The following PTCHD4 variants were observed in gnomAD, a reference collection of about 807,000 sequenced individuals.
The protein encoded by PTCHD4 is patched domain containing 4.
Under a neutral mutation model 58.1 loss-of-function variants are expected in PTCHD4, and 33 were observed. The observed-to-expected ratio is 0.57, with a 90% CI of 0.43 to 0.76. The LOEUF is 0.76. PTCHD4 is among the 30% of genes least tolerant of loss of function. The pLI is 0.00. For missense variants in PTCHD4, 1,058 were observed against 1,027.1 expected, an observed-to-expected ratio of 1.03 and a Z score of -0.41; for synonymous variants, 478 against 409.6, an observed-to-expected ratio of 1.17 and a Z score of -2.02.
intron 4 of PTCHD4, among the ~76,000 whole-genome samples, chr6:47,999,127 C>T (rs1231292816): frequency 3.3e-5 from 5 of 152,122 alleles, no homozygotes; most frequent in East Asian, 1.9e-4. Flanking sequence ...AAATGATTCA[C>T]TCATTAAAGA....
chr6:47,987,209 C>T (rs1277973638), intron 4 of PTCHD4, among the ~76,000 whole-genome samples: 2 of 130,680 alleles, frequency 1.5e-5, no homozygotes, highest in South Asian at 2.3e-4. Flanking sequence ...TTGAAAAAGA[C>T]TCAAATGGTG....
At chr6:47,991,904 A>T (rs1197352286) in intron 4 of PTCHD4, among the ~76,000 whole-genome samples, 1 of 152,082 alleles carries the variant, frequency 6.6e-6, no homozygotes, top group Admixed American at 6.5e-5. Flanking sequence ...AAAAAGAACA[A>T]TAATAACATA....
chr6:48,078,193 G>C (rs1437271345), intron 1 of PTCHD4, among the ~76,000 whole-genome samples: 1 of 152,150 alleles, frequency 6.6e-6, no homozygotes, highest in Non-Finnish European at 1.5e-5. Flanking sequence ...TCCTTTGCTA[G>C]GTTTGCCACA....
In PTCHD4 at chr6:47,870,107, T is replaced by C. The variant is rs371890971; in HGVS notation, c.*8196A>G. Among the ~76,000 whole-genome samples, 259 of 151,832 alleles carry C rather than the reference T, an allele frequency of 1.7e-3. 1 individual carries two copies. The highest frequency in any genetic ancestry group is 5.7e-3 in the African/African-American group (236 of 41,518). ...AAATTATTTCTATTATTATGACTAA[T>C]GGAACTAGATTTCTTTTGTTGTTAA... On this transcript the variant is annotated 3_prime_UTR_variant, in exon 5 of 5. Transcript: ENST00000339488.
At chr6:48,083,130 A>G (rs1039197610) in intron 1 of PTCHD4, among the ~76,000 whole-genome samples, 5 of 150,162 alleles carry the variant, frequency 3.3e-5, no homozygotes, top group Admixed American at 2.0e-4. Flanking sequence ...AAGTCTGCAT[A>G]TATATATATT....
intron 4 of PTCHD4, chr6:47,901,158 C>G (rs1352024637): frequency 7.4e-6 from 1 of 134,636 alleles, no homozygotes; most frequent in Non-Finnish European, 1.6e-5. Flanking sequence ...AAGACTCCGT[C>G]TCAAAAAAAA....
At chr6:48,070,725 G>T (rs1764961903) in intron 1 of PTCHD4, among the ~76,000 whole-genome samples, 1 of 152,040 alleles carries the variant, frequency 6.6e-6, no homozygotes, top group South Asian at 2.1e-4. Context: ...CAATCTCTTT[G>T]CCACATTCAT....
intron 4 of PTCHD4, among the ~76,000 whole-genome samples, chr6:47,957,884 G>A (rs556121525): frequency 3.9e-5 from 6 of 152,144 alleles, no homozygotes; most frequent in African/African-American, 7.2e-5. Flanking sequence ...GATTACAGGC[G>A]TGAGCCACCG....
chr6:47,910,965 G>A (rs9395331), intron 4 of PTCHD4, among the ~76,000 whole-genome samples: 84,292 of 151,948 alleles, frequency 0.55, 25,064 homozygotes, highest in East Asian at 0.78. Flanking sequence ...TCTTCTTAGT[G>A]AAGCTCATGA....
chr6:47,926,688 C>T (rs1376521966), intron 4 of PTCHD4, among the ~76,000 whole-genome samples: 1 of 152,098 alleles, frequency 6.6e-6, no homozygotes, highest in East Asian at 1.9e-4. Context: ...AACAAATAGC[C>T]TGTAGTAGAA....
At position 47,878,504 on chromosome 6, in the gene PTCHD4, C is replaced by T. The variant is rs1384202860; in HGVS notation, c.2331G>A (p.Leu777=). ...GCAAGCATTTGAACAGTGTGAAGGT[C>T]AGGTTCGAAGGCACAAATAGAAGGG... The part of the protein sequence containing the change: ...LVPLLFVPSN[L]TFTLFKCLLL... Residue 777 remains leucine (L), a synonymous_variant, in exon 5 of 5, where the codon CTG becomes CTA. Coordinates refer to ENST00000339488, the MANE Select transcript of PTCHD4 (RefSeq NM_001384253.1). 1 of 1,613,354 alleles carries T rather than the reference C, an allele frequency of 6.2e-7. No homozygotes were observed. The highest frequency in any genetic ancestry group is 8.5e-7 in the Non-Finnish European group (1 of 1,179,676).
chr6:47,981,534 T>C (rs1459862269), intron 4 of PTCHD4, among the ~76,000 whole-genome samples: 1 of 152,168 alleles, frequency 6.6e-6, no homozygotes, highest in Non-Finnish European at 1.5e-5. Flanking sequence ...TTTCTATTTT[T>C]AGGGAAAATT....
In PTCHD4 at chr6:48,068,750, C is replaced by A; in HGVS notation, c.6-109G>T. On this transcript the variant is annotated intron_variant, in intron 2 of 4. Transcript: ENST00000339488. This position sits in a 1 kb window ranked among gnomAD's most constrained non-coding sequence, Gnocchi z 4.2. ...CACCGCCGCCGCCTCCCCACCCACT[C>A]CGCGCTCACCCCACAACCACTCCGC... is the stretch of plus-strand genomic sequence containing the variant. The A allele has an allele frequency of 9.6e-7, 1 of 1,041,768 alleles. No individual in the cohort carries two copies. The allele number at this position is 1,041,768 out of a possible 1,614,324, so 64.5% of individuals were successfully genotyped here. A position where few individuals can be genotyped will look rare whatever the true frequency, so the allele number is the denominator to read the frequency against.
At chr6:47,913,133 G>T (rs1256935826) in intron 4 of PTCHD4, among the ~76,000 whole-genome samples, 1 of 152,010 alleles carries the variant, frequency 6.6e-6, no homozygotes, top group Non-Finnish European at 1.5e-5. Flanking sequence ...CCCCATATTG[G>T]TTGTGTCACT....
intron 4 of PTCHD4, among the ~76,000 whole-genome samples, chr6:47,934,217 C>T (rs1484746082): frequency 6.6e-6 from 1 of 152,122 alleles, no homozygotes; most frequent in East Asian, 1.9e-4. Context: ...TGTGTGGAAC[C>T]TGGATTCAAG....
chr6:47,892,121 G>C (rs576860440), intron 4 of PTCHD4, among the ~76,000 whole-genome samples: 52 of 152,284 alleles, frequency 3.4e-4, no homozygotes, highest in African/African-American at 1.2e-3. Context: ...ATTAACATAG[G>C]AGGAGGGAGG....
chr6:47,912,799 A>T (rs1765111529), intron 4 of PTCHD4, among the ~76,000 whole-genome samples: 1 of 152,174 alleles, frequency 6.6e-6, no homozygotes, highest in African/African-American at 2.4e-5. Flanking sequence ...TTCCAAGAGC[A>T]GCACAGAGTG....
chr6:48,079,763 GTGGAGTGCTTCCACCTC>G (rs1258119003), intron 1 of PTCHD4, among the ~76,000 whole-genome samples: 2 of 151,694 alleles, frequency 1.3e-5, no homozygotes, highest in Admixed American at 1.3e-4. Flanking sequence ...TATACCTGGG[GTGGAGTGCTTCCACCTC>G]TCCACCTCCA....
intron 3 of PTCHD4, among the ~76,000 whole-genome samples, chr6:48,053,850 C>A (rs558701112): frequency 5.6e-4 from 85 of 152,228 alleles, no homozygotes; most frequent in African/African-American, 2.0e-3. Context: ...ACTTACCAGG[C>A]AGGAAAATGG....
Sources: gnomAD v4.1 joint callset for allele counts (sites outside exome capture counted in the v4.1 genomes callset) on GRCh38, gnomAD v4.1.1 for gene constraint, Gnocchi (gnomAD v3.1) non-coding constraint, MANE v1.5 for transcripts, NCBI Gene and HGNC (gene_info 2026-07-23, HGNC 2026-07-21) for gene names.